The following RABL2A variants were observed in gnomAD, a reference collection of about 807,000 sequenced individuals.
The protein encoded by RABL2A is rab-like protein 2A.
Under a neutral mutation model 30.7 loss-of-function variants are expected in RABL2A, and 17 were observed. The ratio of observed to expected loss-of-function variants is 0.55; its 90% confidence interval spans 0.38 to 0.83. The LOEUF (loss-of-function observed/expected upper bound fraction) is 0.83, where lower values mean the gene tolerates loss of function less well. RABL2A is among the 40% of genes least tolerant of loss of function. The pLI, the probability that RABL2A is intolerant of heterozygous loss-of-function variation, is 0.00. For missense variants in RABL2A, 155 were observed against 272.6 expected (o/e 0.57, Z 3.04); for synonymous variants, 64 against 101.8 (o/e 0.63, Z 2.24).
intron 4 of RABL2A, chr2:113,634,664 G>T: frequency 2.5e-6 from 1 of 407,966 alleles, no homozygotes; most frequent in Non-Finnish European, 4.6e-6. Context: ...CTCCTTGGCC[G>T]GGCACACAGC....
chr2:113,628,200 T>C (rs982311279), intron 1 of RABL2A: 3 of 271,294 alleles, frequency 1.1e-5, no homozygotes, highest in Non-Finnish European at 2.1e-5. Flanking sequence ...GCTAAGAGTC[T>C]GGACTGTGGT....
At chr2:113,632,776 C>T (rs1277552929) in intron 2 of RABL2A, 139 bp from the exon 3 acceptor site, 13 of 1,199,302 alleles carry the variant, frequency 1.1e-5, no homozygotes, top group Admixed American at 1.9e-5. Context: ...AGACTTGACC[C>T]GGAAGCTGTG....
intron 5 of RABL2A, chr2:113,638,502 C>T (rs1683813053): frequency 2.0e-6 from 2 of 985,378 alleles, no homozygotes; most frequent in South Asian, 9.4e-5. Context: ...GTAGCAGCAG[C>T]TCAGTTGTCT....
chr2:113,632,899 C>G lies in RABL2A; in HGVS notation c.108-16C>G. On this transcript the variant is annotated splice_polypyrimidine_tract_variant and intron_variant, in intron 2 of 8. Coordinates refer to ENST00000683472, the MANE Select transcript of RABL2A (RefSeq NM_001306158.2). Reference sequence around the variant, plus strand: ...ATGGAGACGCCATCTGACCACCTTGCCTGTTCTGCTTACAGACTCATGGAG... The same window carrying G: ...ATGGAGACGCCATCTGACCACCTTGGCTGTTCTGCTTACAGACTCATGGAG... 1 of 1,614,180 alleles carries G rather than the reference C, an allele frequency of 6.2e-7. No homozygotes were observed.
At chr2:113,627,437 G>A (rs1382498667) in intron 1 of RABL2A, 37 bp downstream of exon 1, 1 of 150,936 alleles carries the variant, frequency 6.6e-6, no homozygotes, top group African/African-American at 2.5e-5. Context: ...GGCTTAGCAC[G>A]CGGGGACAGC....
chr2:113,637,830 T>A, intron 5 of RABL2A: 1 of 1,281,040 alleles, frequency 7.8e-7, no homozygotes, highest in South Asian at 1.2e-5. Context: ...ATCTGCTGCA[T>A]CTCCGTGGGC....
At chr2:113,628,830 C>G in intron 2 of RABL2A, 117 bp downstream of exon 2, 1 of 1,393,692 alleles carries the variant, frequency 7.2e-7, no homozygotes, top group Non-Finnish European at 9.9e-7. Context: ...GCAGTCTTGG[C>G]TGGAGCCCAG....
At chr2:113,634,648 A>G (rs987510321) in intron 4 of RABL2A, 23 of 409,386 alleles carry the variant, frequency 5.6e-5, no homozygotes, top group South Asian at 4.5e-4. Context: ...ATCGGGTCAT[A>G]ATCTTCTCCT....
chr2:113,638,129 G>C, intron 5 of RABL2A: 2 of 985,460 alleles, frequency 2.0e-6, no homozygotes, highest in Non-Finnish European at 2.4e-6. Flanking sequence ...ATCTGAGCCT[G>C]GTGTGAGGCA....
At chr2:113,639,864 A>G (rs1400845328) in intron 5 of RABL2A, among the ~76,000 whole-genome samples, 4 of 73,514 alleles carry the variant, frequency 5.4e-5, no homozygotes, top group Non-Finnish European at 9.6e-5. Context: ...TAAAAAAAAA[A>G]AAAAATCGGG....
At chr2:113,638,789 G>T (rs1006775460) in intron 5 of RABL2A, among the ~76,000 whole-genome samples, 8 of 152,052 alleles carry the variant, frequency 5.3e-5, no homozygotes, top group African/African-American at 1.7e-4. Flanking sequence ...ATCGTTTGAA[G>T]ACAGGAGAAT....
chr2:113,630,290 C>T (rs570466631), intron 2 of RABL2A, among the ~76,000 whole-genome samples: 1 of 152,340 alleles, frequency 6.6e-6, no homozygotes, highest in African/African-American at 2.4e-5. Flanking sequence ...AAGGTGAGTG[C>T]ATGAGAACAC....
rs1426441864 is a variant in RABL2A at position 113,633,061 on chromosome 2, G to A, written c.137+117G>A. ...GCCCAGGAACAGGAAGGAGGATTGGGTAAGTGAACGCACAGGTTTTGTTCT... is the reference window on the plus strand; with the variant it reads ...GCCCAGGAACAGGAAGGAGGATTGGATAAGTGAACGCACAGGTTTTGTTCT... On this transcript the variant is annotated intron_variant, in intron 3 of 8. Coordinates refer to ENST00000683472, the MANE Select transcript of RABL2A (RefSeq NM_001306158.2). 4.0e-6 allele frequency: 6 copies of A among 1,505,568 alleles called. No individual in the cohort carries two copies. The East Asian group carries it at 1.4e-4, about 34-fold the overall frequency. 93.3% of individuals were successfully genotyped at this position (1,505,568 alleles called of 1,614,324 possible).
At chr2:113,640,630 A>G (rs1226706271) in intron 5 of RABL2A, 3 of 467,450 alleles carry the variant, frequency 6.4e-6, no homozygotes, top group Middle Eastern at 6.9e-4. Flanking sequence ...ACCCGCCTCA[A>G]CCTCCCAAAG....
rs1173431837 is a variant in RABL2A, at chr2:113,642,559, A to G, written c.*430A>G. 1 of 248,316 alleles carries G rather than the reference A, an allele frequency of 4.0e-6. No homozygotes were observed. The highest frequency in any genetic ancestry group is 7.9e-6 in the Non-Finnish European group (1 of 126,312). The allele number at this position is 248,316 out of a possible 1,614,324, so 15.4% of individuals were successfully genotyped here. A position where few individuals can be genotyped will look rare whatever the true frequency, so the allele number is the denominator to read the frequency against. On this transcript the variant is annotated 3_prime_UTR_variant, in exon 9 of 9. Transcript: ENST00000683472. ...AGGTAATGATTACCCCCCCACCCACAGCTGAGTCTGTGAGGCCCCATCCTT... is the reference window on the plus strand; with the variant it reads ...AGGTAATGATTACCCCCCCACCCACGGCTGAGTCTGTGAGGCCCCATCCTT...
intron 1 of RABL2A, among the ~76,000 whole-genome samples, chr2:113,627,653 C>A (rs1678592697): frequency 1.3e-5 from 2 of 152,212 alleles, no homozygotes; most frequent in African/African-American, 4.8e-5. Flanking sequence ...CGCCCGTAAG[C>A]GGTGGCTCAC....
rs753788362 is a variant in RABL2A, at chr2:113,632,969, C to G, written c.137+25C>G. On this transcript the variant is annotated intron_variant, in intron 3 of 8. Transcript: ENST00000683472. Reference sequence around the variant, plus strand: ...TGTATCCTTCAAGGTTTGAAGTACTCCTTGTTCCTGTGGGTCTTCCCACGC... The same window carrying G: ...TGTATCCTTCAAGGTTTGAAGTACTGCTTGTTCCTGTGGGTCTTCCCACGC... 5 of 1,614,068 alleles carry G rather than the reference C, an allele frequency of 3.1e-6. No individual in the cohort carries two copies. In the African/African-American group the frequency reaches 5.3e-5, roughly 17 times the overall value.
At chr2:113,628,838 C>T (rs1249544712) in intron 2 of RABL2A, 125 bp downstream of exon 2, 4 of 1,478,554 alleles carry the variant, frequency 2.7e-6, no homozygotes, top group East Asian at 2.3e-5. Context: ...GGCTGGAGCC[C>T]AGATGTTCAT....
chr2:113,629,392 T>G (rs1679374659), intron 2 of RABL2A, among the ~76,000 whole-genome samples: 1 of 152,218 alleles, frequency 6.6e-6, no homozygotes, highest in South Asian at 2.1e-4. Flanking sequence ...ATTTTTATAG[T>G]CAAGTCCTTT....
Sources: gnomAD v4.1 joint callset for allele counts (sites outside exome capture counted in the v4.1 genomes callset) on GRCh38, gnomAD v4.1.1 for gene constraint, MANE v1.5 for transcripts, NCBI Gene and HGNC (gene_info 2026-07-23, HGNC 2026-07-21) for gene names.